MSR1: variants seen among roughly 807,000 people sequenced by gnomAD.
The protein encoded by MSR1 is macrophage scavenger receptor 1, also known as macrophage scavenger receptor types I and II.
Under a neutral mutation model 47.2 loss-of-function variants are expected in MSR1, and 53 were observed. That is an observed-to-expected ratio of 1.12 (90% CI 0.90 to 1.41). The LOEUF is 1.41. MSR1 is among the 40% of genes most tolerant of loss of function. The pLI is 0.00. For synonymous variants in MSR1, 239 were observed against 185.6 expected (o/e 1.29, Z -2.34); for missense variants, 786 against 546.9 (o/e 1.44, Z -4.36).
intron 4 of MSR1, 33 bp downstream of exon 4, chr8:16,168,425 C>T (rs775986768): frequency 1.2e-6 from 2 of 1,612,296 alleles, no homozygotes; most frequent in Non-Finnish European, 1.7e-6. Flanking sequence ...GATTCAGTTC[C>T]AGCAAGTGAC....
chr8:16,146,869 G>A (rs1477692914), intron 7 of MSR1, among the ~76,000 whole-genome samples: 2 of 151,952 alleles, frequency 1.3e-5, no homozygotes, highest in African/African-American at 2.4e-5. Flanking sequence ...GCCTCTACTC[G>A]AAACTTCAGA....
intron 3 of MSR1, among the ~76,000 whole-genome samples, chr8:16,170,995 G>C (rs945530832): frequency 1.3e-5 from 2 of 152,096 alleles, no homozygotes; most frequent in African/African-American, 2.4e-5. Context: ...AAGAGGCTGT[G>C]TGTGGATCAC....
chr8:16,178,777 A>T (rs1162143548), intron 1 of MSR1, among the ~76,000 whole-genome samples: 1 of 152,038 alleles, frequency 6.6e-6, no homozygotes, highest in Admixed American at 6.6e-5. Context: ...TTGTTTCCTG[A>T]CTTTTTAATG....
intron 5 of MSR1, among the ~76,000 whole-genome samples, chr8:16,158,542 TC>T (rs1323250519): frequency 6.6e-6 from 1 of 151,978 alleles, no homozygotes; most frequent in Non-Finnish European, 1.5e-5. Context: ...GCATTAATCT[TC>T]TACTCCGTTT....
Position 16,152,394 on chromosome 8 carries a change from G to A in MSR1, c.899-2083C>T, listed in dbSNP as rs1198713173. On this transcript the variant is annotated intron_variant, in intron 6 of 9. Coordinates refer to ENST00000262101, the MANE Select transcript of MSR1 (RefSeq NM_138715.3). Reference sequence around the variant, plus strand: ...GGGGCGGGCCAGGGTAAAGATATACGTGGATATAAACATTAATAAAATATG... The same window carrying A: ...GGGGCGGGCCAGGGTAAAGATATACATGGATATAAACATTAATAAAATATG... 5.3e-5 allele frequency among the ~76,000 whole-genome samples: 8 copies of A among 152,210 alleles called. No individual in the cohort carries two copies. The East Asian group carries it at 1.2e-3, about 22-fold the overall frequency.
At chr8:16,141,745 A>T (rs1284044398) in intron 8 of MSR1, among the ~76,000 whole-genome samples, 1 of 152,162 alleles carries the variant, frequency 6.6e-6, no homozygotes, top group Admixed American at 6.6e-5. Context: ...ATTTCTGAAC[A>T]TATCTGAAGA....
At chr8:16,141,171 G>C in intron 8 of MSR1, 1 of 1,065,052 alleles carries the variant, frequency 9.4e-7, no homozygotes, top group African/African-American at 1.6e-5. Context: ...AACTACAGAT[G>C]TGGGGAATCA....
At chr8:16,168,390 T>A in intron 4 of MSR1, 68 bp downstream of exon 4, 2 of 1,556,872 alleles carry the variant, frequency 1.3e-6, no homozygotes, top group Non-Finnish European at 1.8e-6. Context: ...TTTCCTGTAC[T>A]GCCTAAGGAG....
intron 5 of MSR1, among the ~76,000 whole-genome samples, chr8:16,161,690 T>C (rs1213770869): frequency 6.6e-6 from 1 of 151,994 alleles, no homozygotes; most frequent in African/African-American, 2.4e-5. Context: ...ATGATTATAT[T>C]ACATATTTAT....
intron 1 of MSR1, among the ~76,000 whole-genome samples, chr8:16,185,070 T>C: frequency 6.6e-6 from 1 of 151,938 alleles, no homozygotes. Flanking sequence ...TTGTGCACCA[T>C]GGGAAGTCTG....
At chr8:16,141,032 G>C in intron 8 of MSR1, 1 of 1,613,078 alleles carries the variant, frequency 6.2e-7, no homozygotes, top group Non-Finnish European at 8.5e-7. Context: ...TATGATCAGT[G>C]AGTTGTACTG....
At chr8:16,159,339 T>C (rs2117156382) in intron 5 of MSR1, among the ~76,000 whole-genome samples, 1 of 152,136 alleles carries the variant, frequency 6.6e-6, no homozygotes, top group Non-Finnish European at 1.5e-5. Flanking sequence ...AGTTCATCTT[T>C]GCTTCTTTAA....
chr8:16,192,044 G>A (rs749032076), intron 1 of MSR1, among the ~76,000 whole-genome samples: 27 of 152,024 alleles, frequency 1.8e-4, no homozygotes, highest in Non-Finnish European at 3.8e-4. Flanking sequence ...TTGGGGATAT[G>A]TTTTAAATCA....
chr8:16,137,766 G>T (rs1375973764), intron 8 of MSR1, among the ~76,000 whole-genome samples: 4 of 152,128 alleles, frequency 2.6e-5, no homozygotes, highest in African/African-American at 9.7e-5. Context: ...GTTGAGGCAG[G>T]AGGATCGCTT....
chr8:16,165,631 G>A (rs1801283206), intron 4 of MSR1, among the ~76,000 whole-genome samples: 1 of 152,050 alleles, frequency 6.6e-6, no homozygotes, highest in Non-Finnish European at 1.5e-5. Flanking sequence ...TGCACATGGG[G>A]AAATAAGCCA....
chr8:16,139,533 G>T (rs1452545377), intron 8 of MSR1: 2 of 984,154 alleles, frequency 2.0e-6, no homozygotes, highest in Non-Finnish European at 2.4e-6. Context: ...GTAAAGGAAA[G>T]AAGAGTTGTG....
intron 7 of MSR1, among the ~76,000 whole-genome samples, chr8:16,147,782 TC>T (rs1180127045): frequency 6.6e-6 from 1 of 152,160 alleles, no homozygotes; most frequent in Non-Finnish European, 1.5e-5. Context: ...AGAAGTGATG[TC>T]CTAAGGATAT....
At chr8:16,146,263 A>C (rs530642907) in intron 7 of MSR1, among the ~76,000 whole-genome samples, 1 of 151,918 alleles carries the variant, frequency 6.6e-6, no homozygotes, top group African/African-American at 2.4e-5. Flanking sequence ...ATAACCACTC[A>C]TTAACCTTAC....
chr8:16,141,840 C>T (rs1800565278), intron 8 of MSR1, among the ~76,000 whole-genome samples: 1 of 152,000 alleles, frequency 6.6e-6, no homozygotes, highest in Admixed American at 6.6e-5. Context: ...AAAATAGTTT[C>T]TTATTTGCAA....
Sources: gnomAD v4.1 joint callset for allele counts (sites outside exome capture counted in the v4.1 genomes callset) on GRCh38, gnomAD v4.1.1 for gene constraint, MANE v1.5 for transcripts, NCBI Gene and HGNC (gene_info 2026-07-23, HGNC 2026-07-21) for gene names.